Variants in VIRMA observed in about 807,000 individuals in gnomAD.
VIRMA encodes vir like m6A methyltransferase associated.
Under a neutral mutation model 182.4 loss-of-function variants are expected in VIRMA, and 65 were observed. The ratio of observed to expected loss-of-function variants is 0.36; its 90% CI spans 0.29 to 0.44. VIRMA has a LOEUF of 0.44. Ranked by LOEUF, VIRMA falls within the 20% of genes least tolerant of loss-of-function variation. The probability of loss-of-function intolerance (pLI) is 1.00; values close to 1 mark genes in which losing one functional copy is unlikely to be tolerated. For synonymous variants in VIRMA, 709 were observed against 743.1 expected (o/e 0.95, Z 0.75); for missense variants, 1,752 against 2,158.1 (o/e 0.81, Z 3.73).
rs561113418 is a variant in VIRMA at position 94,489,677 on chromosome 8, G to T, written c.5284+262C>A. Among the ~76,000 whole-genome samples, 5 of 151,800 alleles carry T rather than the reference G, an allele frequency of 3.3e-5. No homozygotes were observed. The South Asian group carries it at 1.0e-3, about 32-fold the overall frequency. ...TTTCTTTTCTCCAGCTTATTTAATT[G>T]TAACACATTATATAATATATATATA... On this transcript the variant is annotated intron_variant, in intron 23 of 23. Transcript: ENST00000297591.
chr8:94,546,211 C>T lies in VIRMA; in HGVS notation c.64-2269G>A, dbSNP rs1050966076. 5.3e-5 allele frequency among the ~76,000 whole-genome samples: 8 copies of T among 151,186 alleles called. 1 individual carries two copies. The highest frequency in any genetic ancestry group is 1.7e-4 in the African/African-American group (7 of 40,504). On this transcript the variant is annotated intron_variant, in intron 1 of 23. Transcript: ENST00000297591. Reference sequence around the variant, plus strand: ...TCATCCACAGCCAGAGGACAATTCCCAATCTGTATCTCCATCTAGGACCTC... The same window carrying T: ...TCATCCACAGCCAGAGGACAATTCCTAATCTGTATCTCCATCTAGGACCTC...
At chr8:94,489,851 CT>C (rs1813555163) in intron 23 of VIRMA, 87 bp downstream of exon 23, 15 of 1,428,414 alleles carry the variant, frequency 1.1e-5, no homozygotes, top group Middle Eastern at 4.9e-4. Context: ...ATTAGCACCC[CT>C]AGCCCCCTCT....
At position 94,531,007 on chromosome 8, in the gene VIRMA, G is replaced by C. The variant is rs1370730487; in HGVS notation, c.563C>G (p.Pro188Arg). ...QPRGPRTPPG[P>R]PPPDDDEDDP... The stretch of plus-strand genomic sequence containing the variant: ...ATCTTCATCATCATCAGGTGGAGGG[G>C]GTCCTGGAGGAGTTCTTGGTCCCCT... Residue 188 changes from proline to arginine, a missense_variant, in exon 6 of 24, where the codon CCC (proline) becomes CGC (arginine). Transcript: ENST00000297591. 1.2e-6 allele frequency: 2 copies of C among 1,603,346 alleles called. No individual in the cohort carries two copies. The highest frequency in any genetic ancestry group is 8.5e-7 in the Non-Finnish European group (1 of 1,175,174).
At chr8:94,535,813 G>T (rs899910524) in intron 4 of VIRMA, among the ~76,000 whole-genome samples, 4 of 151,752 alleles carry the variant, frequency 2.6e-5, no homozygotes. Context: ...GAACCCAGAG[G>T]CATTAAATAA....
At chr8:94,507,895 A>ATATATATGTATATATGTATATATATGTG (rs746921505) in intron 15 of VIRMA, among the ~76,000 whole-genome samples, 1 of 148,808 alleles carries the variant, frequency 6.7e-6, no homozygotes, top group Non-Finnish European at 1.5e-5. Flanking sequence ...GTATATATGT[A>ATATATATGTATATATGTATATATATGTG]TATATATGTA....
At chr8:94,499,176 C>G in intron 17 of VIRMA, 198 bp downstream of exon 17, 1 of 378,132 alleles carries the variant, frequency 2.6e-6, no homozygotes, top group Non-Finnish European at 4.7e-6. Context: ...AAGTATTTCT[C>G]TTTTTTTCAA....
intron 23 of VIRMA, among the ~76,000 whole-genome samples, 183 bp from the exon 24 acceptor site, chr8:94,489,043 G>A (rs939557343): frequency 5.3e-5 from 8 of 152,056 alleles, no homozygotes; most frequent in Non-Finnish European, 1.2e-4. Context: ...AAACTATATG[G>A]TATATGAGAA....
At chr8:94,540,428 T>C (rs1815498206) in intron 2 of VIRMA, among the ~76,000 whole-genome samples, 1 of 151,844 alleles carries the variant, frequency 6.6e-6, no homozygotes, top group South Asian at 2.1e-4. Context: ...CTCTAGTCTC[T>C]TCCTCTTGCC....
intron 5 of VIRMA, chr8:94,533,713 T>A (rs935454871): frequency 6.6e-6 from 1 of 150,404 alleles, no homozygotes; most frequent in Non-Finnish European, 1.5e-5. Context: ...AGTGTAAGGA[T>A]TACAGGCATA....
intron 1 of VIRMA, among the ~76,000 whole-genome samples, chr8:94,548,687 G>A (rs999655611): frequency 3.5e-5 from 5 of 144,268 alleles, no homozygotes; most frequent in Admixed American, 2.0e-4. Context: ...ACAGAGTCTC[G>A]CTCTGTCGCC....
intron 16 of VIRMA, among the ~76,000 whole-genome samples, chr8:94,505,407 G>A (rs1036920106): frequency 5.3e-5 from 8 of 152,036 alleles, no homozygotes; most frequent in Non-Finnish European, 7.4e-5. Context: ...AAACATCAGG[G>A]CATCGGCAGA....
intron 22 of VIRMA, among the ~76,000 whole-genome samples, chr8:94,491,083 G>C (rs558666790): frequency 2.6e-5 from 4 of 151,566 alleles, no homozygotes; most frequent in African/African-American, 4.9e-5. Context: ...GGAAGCCAAG[G>C]GGGGTGAATC....
intron 6 of VIRMA, 137 bp from the exon 7 acceptor site, chr8:94,529,479 T>G: frequency 1.6e-6 from 1 of 608,536 alleles, no homozygotes; most frequent in Admixed American, 2.9e-5. Context: ...AATTACTCAC[T>G]GTTTAAAAAA....
At chr8:94,513,873 T>C (rs1177319976) in intron 11 of VIRMA, among the ~76,000 whole-genome samples, 1 of 152,164 alleles carries the variant, frequency 6.6e-6, no homozygotes, top group Non-Finnish European at 1.5e-5. Flanking sequence ...CACGGAAGAA[T>C]ATGATGGCAC....
At chr8:94,494,785 A>G in intron 20 of VIRMA, 75 bp downstream of exon 20, 1 of 911,756 alleles carries the variant, frequency 1.1e-6, no homozygotes, top group African/African-American at 1.7e-5. Context: ...TATGGAAACT[A>G]TTATAATGCT....
At chr8:94,551,711 TTC>T (rs1339543967) in intron 1 of VIRMA, among the ~76,000 whole-genome samples, 5 of 152,204 alleles carry the variant, frequency 3.3e-5, no homozygotes, top group Non-Finnish European at 7.3e-5. Context: ...ACATGCCTCT[TTC>T]TCTTTTTCCT....
In VIRMA at chr8:94,511,245, A is replaced by G; in HGVS notation, c.3330T>C (p.Phe1110=). Residue 1110 remains phenylalanine (F), a synonymous_variant, in exon 13 of 24, where the codon TTT becomes TTC. Transcript: ENST00000297591. ...GCTCTGAAAGGAGTATGAGTCCAGA[A>G]AAAAATCCTTCAGGAACCTTCAAGA... ...SSILKVPEGF[F]SGLILLSELL... 1 of 1,614,144 alleles carries G rather than the reference A, an allele frequency of 6.2e-7. No homozygotes were observed.
chr8:94,548,327 A>T (rs1012319649), intron 1 of VIRMA, among the ~76,000 whole-genome samples: 1 of 151,250 alleles, frequency 6.6e-6, no homozygotes, highest in Non-Finnish European at 1.5e-5. Flanking sequence ...CGAAACCACA[A>T]AACAGTATTA....
In VIRMA at chr8:94,534,662, C is replaced by G. The variant is rs368363961; in HGVS notation, c.484+177G>C. The stretch of plus-strand genomic sequence containing the variant: ...CTCCCCCTCTTCCTCCTTCTCTCCC[C>G]CTCTGCCCCTCTGCTTCTCCCTCTC... On this transcript the variant is annotated intron_variant, in intron 5 of 23. Transcript: ENST00000297591. 7.3e-5 allele frequency among the ~76,000 whole-genome samples: 11 copies of G among 151,082 alleles called. No individual in the cohort carries two copies. In the East Asian group the frequency reaches 9.7e-4, roughly 13 times the overall value.
Sources: gnomAD v4.1 joint callset for allele counts (sites outside exome capture counted in the v4.1 genomes callset) on GRCh38, gnomAD v4.1.1 for gene constraint, MANE v1.5 for transcripts, NCBI Gene and HGNC (gene_info 2026-07-23, HGNC 2026-07-21) for gene names.